MBNL1: variants seen among roughly 807,000 people sequenced by gnomAD.
The protein encoded by MBNL1 is muscleblind-like protein 1.
Under a neutral mutation model 42.2 loss-of-function variants are expected in MBNL1, and 8 were observed. The observed-to-expected ratio is 0.19, with a 90% confidence interval of 0.11 to 0.34. The LOEUF is 0.34. Ranked by LOEUF, MBNL1 falls within the 10% of genes least tolerant of loss-of-function variation. MBNL1 has a pLI of 1.00. For missense variants in MBNL1, 309 were observed against 495.3 expected (o/e 0.62, Z 3.57); for synonymous variants, 169 against 173.9 (o/e 0.97, Z 0.22).
At chr3:152,375,428 C>G (rs747215842) in intron 2 of MBNL1, among the ~76,000 whole-genome samples, 13 of 152,062 alleles carry the variant, frequency 8.5e-5, no homozygotes, top group Non-Finnish European at 1.6e-4. Flanking sequence ...GTATAAGGTA[C>G]TTGTAAAAAT....
intron 2 of MBNL1, among the ~76,000 whole-genome samples, chr3:152,381,287 T>C (rs2097169794): frequency 6.6e-6 from 1 of 151,990 alleles, no homozygotes. Flanking sequence ...GCTTTCCTTA[T>C]TAGACTTCTG....
intron 2 of MBNL1, among the ~76,000 whole-genome samples, chr3:152,384,550 A>G (rs2097329411): frequency 6.6e-6 from 1 of 152,122 alleles, no homozygotes; most frequent in African/African-American, 2.4e-5. Flanking sequence ...CATATCTTAG[A>G]AAAAGAAACT....
At chr3:152,285,837 T>C (rs1469525090) in intron 1 of MBNL1, among the ~76,000 whole-genome samples, 1 of 152,008 alleles carries the variant, frequency 6.6e-6, no homozygotes, top group African/African-American at 2.4e-5. Flanking sequence ...TTGTTCAGGC[T>C]GGTCTCGAAC....
Position 152,300,342 on chromosome 3 carries a change from T to C in MBNL1, c.149T>C (p.Val50Ala). 6.2e-7 allele frequency: 1 copy of C among 1,613,938 alleles called. No individual in the cohort carries two copies. The highest frequency in any genetic ancestry group is 8.5e-7 in the Non-Finnish European group (1 of 1,179,854). Residue 50 changes from valine (V) to alanine (A), a missense_variant, in exon 2 of 10, where the codon GTA becomes GCA. Physicochemically the swap from Val to Ala is moderately conservative, Grantham distance 64. Transcript: ENST00000324210. The stretch of plus-strand genomic sequence containing the variant: ...AGCTGCCAAGTTGAAAATGGACGAG[T>C]AATCGCCTGCTTTGATTCATTGAAA... Reference protein sequence around the residue: ...SKSCQVENGRVIACFDSLKGR... With the variant: ...SKSCQVENGRAIACFDSLKGR...
chr3:152,284,181 A>G (rs1290795883), intron 1 of MBNL1, among the ~76,000 whole-genome samples: 1 of 152,132 alleles, frequency 6.6e-6, no homozygotes, highest in Non-Finnish European at 1.5e-5. Context: ...TTACTGTTGA[A>G]TGTATTTGAA....
At chr3:152,251,086 T>C (rs1239003371) in intron 2 of MBNL1, among the ~76,000 whole-genome samples, 1 of 152,110 alleles carries the variant, frequency 6.6e-6, no homozygotes, top group Non-Finnish European at 1.5e-5. Flanking sequence ...TAATCTCTTA[T>C]ATTATGGTTA....
chr3:152,445,525 A>T lies in MBNL1; in HGVS notation c.793A>T (p.Thr265Ser), dbSNP rs1580640273. Reference sequence around the variant, plus strand: ...GGCTGCAGCTGCACAGGCTGCAGCCACCGCAGCTGCCATGGTGAGTAGAGA... The same window carrying T: ...GGCTGCAGCTGCACAGGCTGCAGCCTCCGCAGCTGCCATGGTGAGTAGAGA... Reference protein sequence around the residue: ...NQAAAAQAAATAAAMGIPQAV... With the variant: ...NQAAAAQAAASAAAMGIPQAV... Residue 265 changes from threonine (T) to serine (S), a missense_variant, in exon 5 of 10, where the codon ACC (threonine) becomes TCC (serine). Coordinates refer to ENST00000324210, the MANE Select transcript of MBNL1 (RefSeq NM_021038.5). The T allele has an allele frequency of 6.2e-7, 1 of 1,612,542 alleles. No homozygotes were observed. The highest frequency in any genetic ancestry group is 1.3e-5 in the African/African-American group (1 of 74,794).
intron 6 of MBNL1, 79 bp downstream of exon 6, chr3:152,447,852 C>G: frequency 6.0e-6 from 8 of 1,333,632 alleles, no homozygotes; most frequent in Non-Finnish European, 8.2e-6. Flanking sequence ...AACCACACCC[C>G]AAGTTTGTTT....
intron 4 of MBNL1, among the ~76,000 whole-genome samples, chr3:152,442,938 A>G (rs1320756043): frequency 1.3e-5 from 2 of 151,876 alleles, no homozygotes; most frequent in South Asian, 2.1e-4. Context: ...TTTCTGTCCT[A>G]TTTCTTAGGA....
chr3:152,459,354 A>C lies in MBNL1; in HGVS notation c.*18+9A>C. On this transcript the variant is annotated intron_variant, in intron 9 of 9. Coordinates refer to ENST00000324210, the MANE Select transcript of MBNL1 (RefSeq NM_021038.5). ...ATTTTCATCACTAAACAGTAAGTTC[A>C]TTATGTAATATATAGTTGCATATTT... 2 of 1,460,328 alleles carry C rather than the reference A, an allele frequency of 1.4e-6. No homozygotes were observed. Among genetic ancestry groups the C allele is most frequent in the Non-Finnish European group, 1.9e-6 (2 of 1,063,284 alleles). 90.5% of individuals were successfully genotyped at this position (1,460,328 alleles called of 1,614,324 possible).
chr3:152,279,653 T>C (rs188527019), intron 1 of MBNL1, among the ~76,000 whole-genome samples: 8 of 152,290 alleles, frequency 5.3e-5, no homozygotes, highest in African/African-American at 1.9e-4. Context: ...GGAGTTGCAG[T>C]ATCATGATGT....
chr3:152,355,692 T>C (rs964071284), intron 2 of MBNL1, among the ~76,000 whole-genome samples: 3 of 152,210 alleles, frequency 2.0e-5, no homozygotes, highest in African/African-American at 7.2e-5. Context: ...CTAAATCAAA[T>C]TATTACATAT....
intron 2 of MBNL1, among the ~76,000 whole-genome samples, chr3:152,408,729 G>A (rs895902420): frequency 1.3e-5 from 2 of 151,714 alleles, no homozygotes; most frequent in Non-Finnish European, 2.9e-5. Flanking sequence ...GTAAAGTGGC[G>A]GTTGGCTCTC....
intron 2 of MBNL1, among the ~76,000 whole-genome samples, chr3:152,347,212 A>T (rs996375376): frequency 3.3e-5 from 5 of 152,118 alleles, no homozygotes. Flanking sequence ...ACATGAGAAG[A>T]GTTCCCTTTA....
intron 2 of MBNL1, among the ~76,000 whole-genome samples, chr3:152,353,801 C>T (rs1237959672): frequency 6.6e-6 from 1 of 151,660 alleles, no homozygotes; most frequent in Non-Finnish European, 1.5e-5. Flanking sequence ...TCTCTGCAGC[C>T]CACCCACTGT....
chr3:152,447,261 C>T (rs1212338575), intron 5 of MBNL1, among the ~76,000 whole-genome samples: 1 of 152,048 alleles, frequency 6.6e-6, no homozygotes, highest in Non-Finnish European at 1.5e-5. Context: ...ATTGCTTATA[C>T]TTGTCAATCC....
At chr3:152,412,699 G>GCTAT (rs374047890) in intron 2 of MBNL1, among the ~76,000 whole-genome samples, 85 of 152,148 alleles carry the variant, frequency 5.6e-4, no homozygotes, top group African/African-American at 2.0e-3. Context: ...TTCAGTCCAG[G>GCTAT]CTATGTTCAT....
intron 3 of MBNL1, among the ~76,000 whole-genome samples, chr3:152,422,539 A>G (rs2098824463): frequency 6.6e-6 from 1 of 152,224 alleles, no homozygotes; most frequent in Non-Finnish European, 1.5e-5. Context: ...TAGACAGATC[A>G]ACGAGGCAGA....
intron 2 of MBNL1, among the ~76,000 whole-genome samples, chr3:152,344,168 T>G (rs2093831268): frequency 6.6e-6 from 1 of 152,106 alleles, no homozygotes. Context: ...CATCTTTCAG[T>G]CAGAATCTAA....
Sources: gnomAD v4.1 joint callset for allele counts (sites outside exome capture counted in the v4.1 genomes callset) on GRCh38, gnomAD v4.1.1 for gene constraint, MANE v1.5 for transcripts, NCBI Gene and HGNC (gene_info 2026-07-23, HGNC 2026-07-21) for gene names.